TRAPPC9: variants seen among roughly 807,000 people sequenced by gnomAD.
TRAPPC9 encodes the protein IKK2 binding protein.
Under a neutral mutation model 124.0 loss-of-function variants are expected in TRAPPC9, and 83 were observed. The observed-to-expected ratio is 0.67, with a 90% CI of 0.56 to 0.80. The LOEUF is 0.80. Among genes scored for constraint, TRAPPC9 ranks in the 30% least tolerant of loss-of-function variants. The pLI, the probability that TRAPPC9 is intolerant of heterozygous loss-of-function variation, is 0.00. For missense variants in TRAPPC9, 1,302 were observed against 1,508.3 expected (o/e 0.86, Z 2.27); for synonymous variants, 638 against 617.5 (o/e 1.03, Z -0.49).
chr8:140,261,456 T>C (rs1038974027), intron 15 of TRAPPC9, among the ~76,000 whole-genome samples: 2 of 152,138 alleles, frequency 1.3e-5, no homozygotes, highest in Non-Finnish European at 2.9e-5. Flanking sequence ...ATCTGAAAAT[T>C]TCTGTAAAGT....
At chr8:139,953,518 A>C (rs1834792839) in intron 19 of TRAPPC9, among the ~76,000 whole-genome samples, 1 of 152,238 alleles carries the variant, frequency 6.6e-6, no homozygotes, top group Admixed American at 6.5e-5. Context: ...AGTAAACATT[A>C]AAGGAAAAAA....
At chr8:140,172,008 C>A (rs532411256) in intron 17 of TRAPPC9, among the ~76,000 whole-genome samples, 1 of 152,080 alleles carries the variant, frequency 6.6e-6, no homozygotes, top group Admixed American at 6.5e-5. Flanking sequence ...GAGCCAGGCT[C>A]GGAGAAAGGC....
At chr8:140,080,768 C>T in intron 17 of TRAPPC9, among the ~76,000 whole-genome samples, 1 of 152,242 alleles carries the variant, frequency 6.6e-6, no homozygotes, top group East Asian at 1.9e-4. Context: ...ACCTGTCACA[C>T]TCACAAACCC....
At chr8:140,173,514 A>T (rs1303602726) in intron 17 of TRAPPC9, among the ~76,000 whole-genome samples, 1 of 146,484 alleles carries the variant, frequency 6.8e-6, no homozygotes, top group African/African-American at 2.6e-5. Flanking sequence ...AGATCGCACC[A>T]CTGCACTCCA....
At chr8:139,852,615 G>A (rs937934284) in intron 21 of TRAPPC9, among the ~76,000 whole-genome samples, 6 of 152,202 alleles carry the variant, frequency 3.9e-5, no homozygotes, top group African/African-American at 1.4e-4. Flanking sequence ...GGTGTTAATG[G>A]TAATGATTCT....
At chr8:140,361,461 G>A (rs758986829) in intron 8 of TRAPPC9, among the ~76,000 whole-genome samples, 13 of 152,238 alleles carry the variant, frequency 8.5e-5, no homozygotes, top group Non-Finnish European at 1.3e-4. Context: ...ACTGTAAAAC[G>A]GAGACAGTAG....
intron 17 of TRAPPC9, among the ~76,000 whole-genome samples, chr8:140,065,562 C>T (rs1842860410): frequency 6.6e-6 from 1 of 152,176 alleles, no homozygotes; most frequent in Non-Finnish European, 1.5e-5. Flanking sequence ...TTAAAGCCAA[C>T]ACTCATTTCC....
intron 21 of TRAPPC9, among the ~76,000 whole-genome samples, chr8:139,745,190 G>A (rs911926692): frequency 2.6e-5 from 4 of 152,240 alleles, no homozygotes; most frequent in Admixed American, 6.5e-5. Context: ...CACCCTCCAC[G>A]GATACCAGGC....
chr8:140,305,957 G>C (rs1390529128), intron 10 of TRAPPC9, among the ~76,000 whole-genome samples: 1 of 152,152 alleles, frequency 6.6e-6, no homozygotes, highest in African/African-American at 2.4e-5. Flanking sequence ...AAAGCCAGTG[G>C]CTTTTCCAAT....
chr8:140,444,759 G>A (rs1399364510), intron 2 of TRAPPC9, among the ~76,000 whole-genome samples: 1 of 151,424 alleles, frequency 6.6e-6, no homozygotes, highest in Non-Finnish European at 1.5e-5. Flanking sequence ...AGCTACTTAG[G>A]AGGCAAGGCT....
intron 21 of TRAPPC9, among the ~76,000 whole-genome samples, chr8:139,736,319 T>C (rs1404735637): frequency 6.6e-6 from 1 of 152,224 alleles, no homozygotes. Flanking sequence ...AAACCCTCAG[T>C]GCCAGGCAAA....
chr8:140,231,973 C>T (rs2063609356), intron 16 of TRAPPC9, among the ~76,000 whole-genome samples: 2 of 152,208 alleles, frequency 1.3e-5, no homozygotes, highest in South Asian at 2.1e-4. Flanking sequence ...AGGGTTTTGA[C>T]ACATTGACCA....
At chr8:140,163,635 C>T (rs945908900) in intron 17 of TRAPPC9, among the ~76,000 whole-genome samples, 3 of 152,206 alleles carry the variant, frequency 2.0e-5, no homozygotes, top group Admixed American at 6.5e-5. Flanking sequence ...TCTAGGGAAA[C>T]GTCTGAGTCC....
intron 17 of TRAPPC9, among the ~76,000 whole-genome samples, chr8:140,035,029 G>A (rs534143241): frequency 5.3e-5 from 8 of 152,220 alleles, no homozygotes; most frequent in Non-Finnish European, 8.8e-5. Flanking sequence ...AGATGCTCAC[G>A]GTTTTTCCCC....
chr8:140,114,752 A>C (rs985798075), intron 17 of TRAPPC9, among the ~76,000 whole-genome samples: 2 of 152,208 alleles, frequency 1.3e-5, no homozygotes, highest in African/African-American at 4.8e-5. Context: ...AGAACCGCAA[A>C]GCCTCCTCGG....
chr8:139,956,465 G>A (rs1834996638), intron 19 of TRAPPC9, among the ~76,000 whole-genome samples: 1 of 152,126 alleles, frequency 6.6e-6, no homozygotes, highest in Non-Finnish European at 1.5e-5. Context: ...CCGGCCCATG[G>A]GATGTTGTTT....
At chr8:140,150,777 G>A (rs1380778833) in intron 17 of TRAPPC9, among the ~76,000 whole-genome samples, 3 of 152,158 alleles carry the variant, frequency 2.0e-5, no homozygotes, top group African/African-American at 7.2e-5. Context: ...GGGACCCAGA[G>A]GCAAGAGGAG....
intron 21 of TRAPPC9, among the ~76,000 whole-genome samples, chr8:139,834,341 G>A (rs918050359): frequency 3.9e-5 from 6 of 152,246 alleles, no homozygotes; most frequent in Admixed American, 3.9e-4. Flanking sequence ...ATCCAGGGAA[G>A]GCTCCACGGA....
At position 140,300,506 on chromosome 8, in the gene TRAPPC9, G is replaced by T; in HGVS notation, c.1731C>A (p.Ile577=). 3 of 1,614,230 alleles carry T rather than the reference G, an allele frequency of 1.9e-6. No homozygotes were observed. Among genetic ancestry groups the T allele is most frequent in the Non-Finnish European group, 2.5e-6 (3 of 1,180,040 alleles). Reference sequence around the variant, plus strand: ...TCCGCTCTTCTCCACGGTTGTGTGCGATAATTGGTGAATAGATGAAAGGAC... The same window carrying T: ...TCCGCTCTTCTCCACGGTTGTGTGCTATAATTGGTGAATAGATGAAAGGAC... ...TKSPFIYSPI[I]AHNRGEERNK... The change falls in exon 11 of 23, where the codon ATC becomes ATA. Residue 577 remains isoleucine, a synonymous_variant. Transcript: ENST00000438773.
Sources: allele counts gnomAD v4.1 joint callset (sites outside exome capture counted in the v4.1 genomes callset), GRCh38; gene constraint gnomAD v4.1.1; transcripts MANE v1.5; gene names NCBI Gene and HGNC (gene_info 2026-07-23, HGNC 2026-07-21).